Variants in PTP4A2 observed in about 807,000 individuals in gnomAD.
PTP4A2 encodes protein tyrosine phosphatase type IVA 2.
Under a neutral mutation model 22.9 loss-of-function variants are expected in PTP4A2, and 2 were observed. That is an observed-to-expected ratio of 0.09 (90% CI 0.04 to 0.27). The LOEUF (loss-of-function observed/expected upper bound fraction) is 0.27, where lower values mean the gene tolerates loss of function less well. Ranked by LOEUF, PTP4A2 falls within the 10% of genes least tolerant of loss-of-function variation. PTP4A2 has a pLI of 1.00. For missense variants in PTP4A2, 103 were observed against 205.1 expected (o/e 0.50, Z 3.04); for synonymous variants, 68 against 69.1 (o/e 0.98, Z 0.08).
intron 1 of PTP4A2, among the ~76,000 whole-genome samples, chr1:31,920,126 CAAAAAAAAAAAA>C (rs772173962): frequency 3.7e-4 from 16 of 43,148 alleles, no homozygotes; most frequent in Non-Finnish European, 5.6e-4. Context: ...AACTCTGCCT[CAAAAAAAAAAAA>C]AAAAAAAAAA....
At chr1:31,916,827 A>C (rs181677648) in intron 2 of PTP4A2, among the ~76,000 whole-genome samples, 1 of 152,366 alleles carries the variant, frequency 6.6e-6, no homozygotes, top group East Asian at 1.9e-4. Context: ...TTATGAATAC[A>C]CACAGATATA....
At chr1:31,916,217 G>A (rs1055587323) in intron 2 of PTP4A2, among the ~76,000 whole-genome samples, 4 of 150,532 alleles carry the variant, frequency 2.7e-5, no homozygotes, top group African/African-American at 9.8e-5. Flanking sequence ...TGGTGGTGCG[G>A]GCCTGTAATC....
chr1:31,918,865 C>A, intron 2 of PTP4A2, 105 bp downstream of exon 2: 1 of 658,348 alleles, frequency 1.5e-6, no homozygotes. Context: ...CCAGGATTGG[C>A]AGGATGACTC....
intron 1 of PTP4A2, among the ~76,000 whole-genome samples, chr1:31,922,622 C>CTT (rs1553211689): frequency 9.0e-6 from 1 of 111,020 alleles, no homozygotes; most frequent in Admixed American, 8.7e-5. Context: ...TTCTTTCTTT[C>CTT]TTTCTTTCTT....
intron 3 of PTP4A2, among the ~76,000 whole-genome samples, chr1:31,915,267 T>C (rs1651763842): frequency 6.6e-6 from 1 of 152,312 alleles, no homozygotes; most frequent in African/African-American, 2.4e-5. Flanking sequence ...AACTGCCAAT[T>C]TGTTAATCCA....
intron 1 of PTP4A2, among the ~76,000 whole-genome samples, chr1:31,929,906 C>T (rs893514579): frequency 1.9e-4 from 29 of 152,324 alleles, no homozygotes; most frequent in African/African-American, 7.0e-4. Flanking sequence ...GTTAAAATGG[C>T]TGTAACAGCT....
chr1:31,910,357 C>T (rs1300351857), intron 4 of PTP4A2: 4 of 341,784 alleles, frequency 1.2e-5, no homozygotes, highest in African/African-American at 2.1e-5. Context: ...GGCACAATCA[C>T]GGCTCACCGC....
At chr1:31,916,342 C>T (rs1187538353) in intron 2 of PTP4A2, among the ~76,000 whole-genome samples, 1 of 89,828 alleles carries the variant, frequency 1.1e-5, no homozygotes, top group African/African-American at 5.1e-5. Flanking sequence ...GAGACTCCGT[C>T]TCCAAAAAAA....
intron 1 of PTP4A2, among the ~76,000 whole-genome samples, chr1:31,934,250 C>G (rs1010882594): frequency 6.6e-6 from 1 of 152,138 alleles, no homozygotes. Flanking sequence ...AAGGGCAAAA[C>G]TCCGTCTTAA....
intron 3 of PTP4A2, among the ~76,000 whole-genome samples, chr1:31,912,494 A>G (rs140198692): frequency 1.3e-5 from 2 of 152,320 alleles, no homozygotes; most frequent in Non-Finnish European, 2.9e-5. Flanking sequence ...CATTTTGTCA[A>G]GTATCCCTTT....
rs186951462 is a variant in PTP4A2, at chr1:31,922,239, T to C, written c.-593-2581A>G. On this transcript the variant is annotated intron_variant, in intron 1 of 5. Coordinates refer to ENST00000647444, the MANE Select transcript of PTP4A2 (RefSeq NM_080391.4). ...ATGGCTCACGCCTGTATCTCAGCAC[T>C]TTGGTAGGCCAAGGCAGGCAGATCA... is the stretch of plus-strand genomic sequence containing the variant. Among the ~76,000 whole-genome samples the C allele has an allele frequency of 2.5e-3, 381 of 152,360 alleles. 2 individuals are homozygous for C. Among genetic ancestry groups the C allele is most frequent in the African/African-American group, 8.7e-3 (361 of 41,594 alleles).
At chr1:31,933,092 C>T (rs955165508) in intron 1 of PTP4A2, 2 of 152,044 alleles carry the variant, frequency 1.3e-5, no homozygotes, top group African/African-American at 4.8e-5. Flanking sequence ...GCCTTGACCT[C>T]CCAGGCTCCA....
chr1:31,918,197 C>A, intron 2 of PTP4A2, among the ~76,000 whole-genome samples: 1 of 150,986 alleles, frequency 6.6e-6, no homozygotes, highest in Non-Finnish European at 1.5e-5. Context: ...TGCAGTGAGC[C>A]GAGATAGTGC....
intron 1 of PTP4A2, chr1:31,935,681 A>G (rs149484418): frequency 6.6e-6 from 1 of 152,340 alleles, no homozygotes; most frequent in Admixed American, 6.5e-5. Flanking sequence ...AAGTGATTCA[A>G]AATAAGCTAA....
At chr1:31,924,895 A>C (rs72664995) in intron 1 of PTP4A2, among the ~76,000 whole-genome samples, 7,153 of 152,178 alleles carry the variant, frequency 0.047, 214 homozygotes, top group Middle Eastern at 0.099. Flanking sequence ...GAGGGAGATA[A>C]GGGATAAAAA....
intron 1 of PTP4A2, chr1:31,932,623 A>G (rs1283927573): frequency 6.6e-6 from 1 of 151,820 alleles, no homozygotes; most frequent in African/African-American, 2.4e-5. Context: ...GTGTCCTGTA[A>G]ATCTACACTG....
In PTP4A2 at chr1:31,938,077, C is replaced by T; in HGVS notation, c.-684G>A. 2.6e-5 allele frequency: 4 copies of T among 152,996 alleles called. No individual in the cohort carries two copies. The highest frequency in any genetic ancestry group is 4.2e-5 in the Non-Finnish European group (3 of 71,028). 9.5% of individuals were successfully genotyped at this position (152,996 alleles called of 1,614,324 possible). On this transcript the variant is annotated 5_prime_UTR_variant, in exon 1 of 6. Coordinates refer to ENST00000647444, the MANE Select transcript of PTP4A2 (RefSeq NM_080391.4). This position sits in a 1 kb window ranked among gnomAD's most constrained non-coding sequence, Gnocchi z 4.4. ...TCAGTCACCTCGGCGGCGGCGGCGGCGGCGGTAGCGGTGGCGGCGGCGGCG... is the reference window on the plus strand; with the variant it reads ...TCAGTCACCTCGGCGGCGGCGGCGGTGGCGGTAGCGGTGGCGGCGGCGGCG...
chr1:31,927,981 C>A (rs1029578130), intron 1 of PTP4A2, among the ~76,000 whole-genome samples: 3 of 151,818 alleles, frequency 2.0e-5, no homozygotes, highest in African/African-American at 4.8e-5. Flanking sequence ...AAACACGCAT[C>A]TTCTGATTAA....
At chr1:31,932,187 T>A (rs145945743) in intron 1 of PTP4A2, among the ~76,000 whole-genome samples, 1 of 152,244 alleles carries the variant, frequency 6.6e-6, no homozygotes, top group African/African-American at 2.4e-5. Flanking sequence ...ATTTATCTGA[T>A]CTGCTAAAAC....
Sources: gnomAD v4.1 joint callset for allele counts (sites outside exome capture counted in the v4.1 genomes callset) on GRCh38, gnomAD v4.1.1 for gene constraint, Gnocchi (gnomAD v3.1) non-coding constraint, MANE v1.5 for transcripts, NCBI Gene and HGNC (gene_info 2026-07-23, HGNC 2026-07-21) for gene names.